Variants in FAM117B observed in about 807,000 individuals in gnomAD.
The protein encoded by FAM117B is family with sequence similarity 117 member B.
In FAM117B, 22 loss-of-function variants were observed where a neutral mutation model predicts 52.8. The observed-to-expected ratio is 0.42, with a 90% CI of 0.30 to 0.59. The LOEUF (loss-of-function observed/expected upper bound fraction) is 0.59. Among genes scored for constraint, FAM117B ranks in the 20% least tolerant of loss-of-function variants. The pLI, the probability that FAM117B is intolerant of heterozygous loss-of-function variation, is 0.22. For missense variants in FAM117B, 678 were observed against 802.6 expected, an observed-to-expected ratio of 0.84 and a Z score of 1.88; for synonymous variants, 309 against 324.1, an observed-to-expected ratio of 0.95 and a Z score of 0.50.
rs34556556 is a variant in FAM117B at position 202,766,061 on chromosome 2, AACACACACACACACAC to A, written c.*328_*343del. ...TTGTTTTCGAATTAGACTTCTTTAA[AACACACACACACACAC>A]ACACACACACACACACACACACACA... On this transcript the variant is annotated 3_prime_UTR_variant, in exon 8 of 8. Coordinates refer to ENST00000392238, the MANE Select transcript of FAM117B (RefSeq NM_173511.4). 46 of 203,096 alleles carry A rather than the reference AACACACACACACACAC, an allele frequency of 2.3e-4. No individual in the cohort carries two copies. Among genetic ancestry groups the A allele is most frequent in the East Asian group, 1.1e-3 (8 of 6,970 alleles). The allele number at this position is 203,096 out of a possible 1,614,324, so 12.6% of individuals were successfully genotyped here.
chr2:202,670,728 G>T (rs890255535), intron 1 of FAM117B, among the ~76,000 whole-genome samples: 2 of 152,192 alleles, frequency 1.3e-5, no homozygotes, highest in Non-Finnish European at 2.9e-5. Flanking sequence ...TACAGGGAAG[G>T]ATAATGTTTC....
intron 4 of FAM117B, among the ~76,000 whole-genome samples, chr2:202,741,897 A>G (rs1691547997): frequency 2.0e-5 from 3 of 152,208 alleles, no homozygotes; most frequent in Admixed American, 2.0e-4. Context: ...CCATTTATAT[A>G]TACAAACAGC....
chr2:202,733,147 T>G (rs1574574103), intron 4 of FAM117B, among the ~76,000 whole-genome samples: 1 of 151,938 alleles, frequency 6.6e-6, no homozygotes, highest in Non-Finnish European at 1.5e-5. Context: ...AACCAGCAGG[T>G]TTTCATTAAG....
chr2:202,654,903 T>C (rs1366350735), intron 1 of FAM117B, among the ~76,000 whole-genome samples: 1 of 152,042 alleles, frequency 6.6e-6, no homozygotes, highest in African/African-American at 2.4e-5. Flanking sequence ...TTTATAAGTG[T>C]CTATTTGGGG....
chr2:202,673,419 A>G (rs1416979616), intron 1 of FAM117B, among the ~76,000 whole-genome samples: 2 of 42,894 alleles, frequency 4.7e-5, no homozygotes, highest in East Asian at 5.5e-4. Flanking sequence ...AGCCTACCCT[A>G]TTTTTCTTTT....
intron 2 of FAM117B, among the ~76,000 whole-genome samples, chr2:202,722,051 C>T (rs1357608387): frequency 1.4e-5 from 2 of 145,690 alleles, no homozygotes; most frequent in Non-Finnish European, 3.0e-5. Flanking sequence ...CTCACTGTCG[C>T]CCGGGCTAGA....
intron 4 of FAM117B, among the ~76,000 whole-genome samples, chr2:202,728,522 C>T (rs1691291160): frequency 6.6e-6 from 1 of 151,966 alleles, no homozygotes; most frequent in African/African-American, 2.4e-5. Flanking sequence ...GGCTGAAGAC[C>T]CAGATGATTT....
rs1689668816 is a variant in FAM117B, at chr2:202,635,570, G to C, written c.383G>C (p.Ser128Thr). 8.1e-7 allele frequency: 1 copy of C among 1,230,406 alleles called. No homozygotes were observed. The highest frequency in any genetic ancestry group is 1.0e-6 in the Non-Finnish European group (1 of 990,098). 76.2% of individuals were successfully genotyped at this position (1,230,406 alleles called of 1,614,324 possible). A position where few individuals can be genotyped will look rare whatever the true frequency, so the allele number is the denominator to read the frequency against. Reference protein sequence around the residue: ...TSTRGTSPTRSAAPGARGSPP... With the variant: ...TSTRGTSPTRTAAPGARGSPP... ...ACGCGAGGCACCAGCCCCACGCGCA[G>C]CGCCGCGCCTGGAGCTCGCGGGAGC... The change falls in exon 1 of 8, where the codon AGC becomes ACC. Residue 128 changes from serine to threonine, a missense_variant. Physicochemically the swap from Ser to Thr is moderately conservative, Grantham distance 58. Transcript: ENST00000392238.
At chr2:202,671,351 C>T (rs1377968175) in intron 1 of FAM117B, among the ~76,000 whole-genome samples, 1 of 152,200 alleles carries the variant, frequency 6.6e-6, no homozygotes, top group South Asian at 2.1e-4. Context: ...TCATCAGTCT[C>T]GCTGAACTCC....
chr2:202,649,787 A>C (rs2105755889), intron 1 of FAM117B, among the ~76,000 whole-genome samples: 1 of 152,202 alleles, frequency 6.6e-6, no homozygotes, highest in East Asian at 1.9e-4. Context: ...CCTGACCTCA[A>C]GTGATCTGCC....
At chr2:202,657,487 G>T (rs992291168) in intron 1 of FAM117B, among the ~76,000 whole-genome samples, 6 of 152,038 alleles carry the variant, frequency 3.9e-5, no homozygotes, top group Non-Finnish European at 8.8e-5. Context: ...TTGGATATAG[G>T]TGTGCTGTTT....
At chr2:202,699,426 C>CAAAAAAAAAAAAAAAAAAAAAAAAAAAA (rs751190825) in intron 2 of FAM117B, among the ~76,000 whole-genome samples, 1 of 17,908 alleles carries the variant, frequency 5.6e-5, no homozygotes, top group Admixed American at 9.7e-4. Flanking sequence ...GACCCCATCT[C>CAAAAAAAAAAAAAAAAAAAAAAAAAAAA]AAAAAAAAAA....
chr2:202,649,698 C>T (rs1162277713), intron 1 of FAM117B, among the ~76,000 whole-genome samples: 2 of 151,854 alleles, frequency 1.3e-5, no homozygotes, highest in African/African-American at 2.4e-5. Context: ...ATCACAGGCA[C>T]GCGCCACCAC....
chr2:202,692,767 G>A (rs767176421), intron 1 of FAM117B, among the ~76,000 whole-genome samples: 3 of 152,114 alleles, frequency 2.0e-5, no homozygotes, highest in Non-Finnish European at 4.4e-5. Context: ...TTGTAGTGCT[G>A]AGCAGCAGTG....
intron 1 of FAM117B, among the ~76,000 whole-genome samples, chr2:202,659,897 G>A (rs1175609755): frequency 1.3e-5 from 2 of 151,862 alleles, no homozygotes; most frequent in Non-Finnish European, 2.9e-5. Flanking sequence ...GGGATTACAG[G>A]TGTAAGCCAC....
intron 1 of FAM117B, among the ~76,000 whole-genome samples, chr2:202,684,990 A>AT (rs1000849731): frequency 0.035 from 5,253 of 147,998 alleles, 206 homozygotes; most frequent in African/African-American, 0.11. Flanking sequence ...CTCAAAAAAA[A>AT]TTTTTTTTTT....
intron 1 of FAM117B, among the ~76,000 whole-genome samples, chr2:202,673,916 A>G (rs1194261320): frequency 1.3e-5 from 2 of 152,152 alleles, no homozygotes; most frequent in African/African-American, 2.4e-5. Flanking sequence ...TGTCTTCTAC[A>G]TGATGGGTGT....
intron 1 of FAM117B, among the ~76,000 whole-genome samples, chr2:202,648,049 A>C (rs1574540084): frequency 6.6e-6 from 1 of 151,754 alleles, no homozygotes. Context: ...TCTCTCCCCT[A>C]CTCCATTCTT....
intron 1 of FAM117B, among the ~76,000 whole-genome samples, chr2:202,681,997 A>C (rs1216725535): frequency 6.6e-6 from 1 of 152,062 alleles, no homozygotes; most frequent in Non-Finnish European, 1.5e-5. Context: ...GACATTGGAG[A>C]CTATAGTTGG....
Sources: allele counts gnomAD v4.1 joint callset (sites outside exome capture counted in the v4.1 genomes callset), GRCh38; gene constraint gnomAD v4.1.1; transcripts MANE v1.5; gene names NCBI Gene and HGNC (gene_info 2026-07-23, HGNC 2026-07-21).